ZNF71: variants seen among roughly 807,000 people sequenced by gnomAD.
The protein encoded by ZNF71 is zinc finger protein 71, also known as endothelial zinc finger protein induced by tumor necrosis factor alpha.
Under a neutral mutation model 6.7 loss-of-function variants are expected in ZNF71, and 3 were observed. That is an observed-to-expected ratio of 0.45 (90% confidence interval 0.20 to 1.16). The LOEUF is 1.16. Among genes scored for constraint, ZNF71 ranks in the 50% most tolerant of loss-of-function variants. The probability of loss-of-function intolerance (pLI) is 0.25; values close to 1 mark genes in which losing one functional copy is unlikely to be tolerated. For missense variants in ZNF71, 688 were observed against 728.6 expected, an observed-to-expected ratio of 0.94 and a Z score of 0.64; for synonymous variants, 343 against 311.1, an observed-to-expected ratio of 1.10 and a Z score of -1.08.
chr19:56,621,426 A>G lies in ZNF71; in HGVS notation c.319A>G (p.Arg107Gly), dbSNP rs149537134. 2 of 1,613,586 alleles carry G rather than the reference A, an allele frequency of 1.2e-6. No homozygotes were observed. Among genetic ancestry groups the G allele is most frequent in the Non-Finnish European group, 1.7e-6 (2 of 1,179,742 alleles). ...GTGGGAACCAGGCAGCTGGCCAGAG[A>G]GGCCGCGGGGAGATGCAGGTGCAGA... ...GVWEPGSWPE[R>G]PRGDAGAEWE... Residue 107 changes from arginine (R) to glycine (G), a missense_variant, in exon 4 of 4, where the codon AGG becomes GGG. Arg to Gly is a moderately radical substitution (Grantham distance 125). Coordinates refer to ENST00000599599, the MANE Select transcript of ZNF71 (RefSeq NM_001370215.1).
Position 56,622,592 on chromosome 19 carries a change from G to C in ZNF71, c.1485G>C (p.Glu495Asp). ...AGCACCAGCGGATCCACACCGGCGA[G>C]AAGCCGTACAGGTGCGGCCAGTGCG... ...LIEHQRIHTG[E>D]KPYRCGQCGK... is the part of the protein sequence containing the mutation. The change falls in exon 4 of 4, where the codon GAG becomes GAC. Residue 495 changes from glutamate to aspartate, a missense_variant. Transcript: ENST00000599599. The C allele has an allele frequency of 6.2e-7, 1 of 1,613,724 alleles. No homozygotes were observed. The highest frequency in any genetic ancestry group is 8.5e-7 in the Non-Finnish European group (1 of 1,179,656).
rs2044718474 is a variant in ZNF71 at position 56,607,450 on chromosome 19, A to G, written c.33+5859A>G. On this transcript the variant is annotated intron_variant, in intron 2 of 3. Transcript: ENST00000599599. The stretch of plus-strand genomic sequence containing the variant: ...ATTTATTGAGTACCTACTAAGTGCC[A>G]GGCGCTGTTCTAGGGTCTGAGGATT... Among the ~76,000 whole-genome samples the G allele has an allele frequency of 2.0e-5, 3 of 152,340 alleles. No individual in the cohort carries two copies. The South Asian group carries it at 6.2e-4, about 32-fold the overall frequency.
chr19:56,595,949 G>A (rs1184218357), intron 1 of ZNF71, among the ~76,000 whole-genome samples: 1 of 150,864 alleles, frequency 6.6e-6, no homozygotes, highest in African/African-American at 2.4e-5. Context: ...GAATGTGAAT[G>A]TGTCCATGTA....
At chr19:56,620,560 C>G (rs2044835868) in intron 3 of ZNF71, among the ~76,000 whole-genome samples, 1 of 151,812 alleles carries the variant, frequency 6.6e-6, no homozygotes, top group Admixed American at 6.6e-5. Flanking sequence ...GAGACAGGGT[C>G]TCACCCTGTC....
chr19:56,609,248 C>CTCT (rs1568505583), intron 2 of ZNF71, among the ~76,000 whole-genome samples: 3 of 152,194 alleles, frequency 2.0e-5, no homozygotes, highest in African/African-American at 7.2e-5. Context: ...GCATCACCTG[C>CTCT]TCTTACCAGA....
chr19:56,595,843 G>GTGTGTGTGTT (rs1295286176), intron 1 of ZNF71, among the ~76,000 whole-genome samples: 3 of 139,720 alleles, frequency 2.1e-5, no homozygotes, highest in African/African-American at 8.2e-5. Flanking sequence ...TTGTGATTGT[G>GTGTGTGTGTT]TGTGTGTGTT....
At chr19:56,608,089 T>C (rs1600588724) in intron 2 of ZNF71, among the ~76,000 whole-genome samples, 1 of 81,750 alleles carries the variant, frequency 1.2e-5, no homozygotes, top group Non-Finnish European at 4.0e-5. Context: ...CCTTTTTGTC[T>C]TTTTTTTTCC....
At position 56,621,771 on chromosome 19, in the gene ZNF71, A is replaced by T; in HGVS notation, c.664A>T (p.Thr222Ser). ...HTGEKPFECDTCGKHFIERSS... is the reference protein window; with the variant it reads ...HTGEKPFECDSCGKHFIERSS... ...GGGAGAAAAGCCGTTTGAGTGTGAC[A>T]CCTGTGGGAAGCACTTCATCGAGCG... is the stretch of plus-strand genomic sequence containing the variant. The change falls in exon 4 of 4, where the codon ACC (threonine) becomes TCC (serine). Residue 222 changes from threonine to serine, a missense_variant. Thr to Ser is a moderately conservative substitution (Grantham distance 58). Transcript: ENST00000599599. The T allele has an allele frequency of 1.9e-6, 3 of 1,613,816 alleles. No homozygotes were observed. Among genetic ancestry groups the T allele is most frequent in the Non-Finnish European group, 2.5e-6 (3 of 1,179,974 alleles).
intron 1 of ZNF71, among the ~76,000 whole-genome samples, chr19:56,600,096 GTTTTT>G (rs1162051204): frequency 9.9e-6 from 1 of 101,098 alleles, no homozygotes; most frequent in Admixed American, 1.1e-4. Context: ...TTTGGGGTTT[GTTTTT>G]TTTTTTTTTT....
At position 56,622,301 on chromosome 19, in the gene ZNF71, C is replaced by T; in HGVS notation, c.1194C>T (p.Ser398=). Residue 398 remains serine (S), a synonymous_variant, in exon 4 of 4, where the codon AGC becomes AGT. Transcript: ENST00000599599. ...AGTGCGGCAAGGCCTTCAGCCAGAG[C>T]TCCTACCTCATCCAGCACCAGCGCT... ...CGECGKAFSQ[S]SYLIQHQRFH... is the part of the protein sequence containing the mutation. The T allele has an allele frequency of 6.2e-7, 1 of 1,609,934 alleles. No homozygotes were observed. Among genetic ancestry groups the T allele is most frequent in the Non-Finnish European group, 8.5e-7 (1 of 1,176,540 alleles).
intron 2 of ZNF71, among the ~76,000 whole-genome samples, chr19:56,607,253 T>C (rs1309842783): frequency 6.6e-6 from 1 of 152,218 alleles, no homozygotes; most frequent in African/African-American, 2.4e-5. Flanking sequence ...GCATTTCTGA[T>C]TCACAGCCCT....
At chr19:56,607,607 A>G (rs1040072453) in intron 2 of ZNF71, among the ~76,000 whole-genome samples, 2 of 152,170 alleles carry the variant, frequency 1.3e-5, no homozygotes, top group African/African-American at 2.4e-5. Context: ...ATACATTCAC[A>G]TAGCTAGAAA....
rs1282533354 is a variant in ZNF71, at chr19:56,618,259, G to C, written c.161-3009G>C. 6.6e-6 allele frequency among the ~76,000 whole-genome samples: 1 copy of C among 152,322 alleles called. No homozygotes were observed. Among genetic ancestry groups the C allele is most frequent in the Middle Eastern group, 3.4e-3 (1 of 294 alleles). The stretch of plus-strand genomic sequence containing the variant: ...GTATTGTGCCCTCGAGTACATCTCT[G>C]ACTCCATTCTTGTATCTCCGTTTCC... On this transcript the variant is annotated intron_variant, in intron 3 of 3. Transcript: ENST00000599599. This position sits in a 1 kb window ranked among gnomAD's most constrained non-coding sequence, Gnocchi z 4.6.
intron 3 of ZNF71, among the ~76,000 whole-genome samples, chr19:56,617,112 G>GTTTTGT (rs1555776017): frequency 0.049 from 6,923 of 140,402 alleles, 349 homozygotes; most frequent in East Asian, 0.22. Context: ...ATTTTCTTTT[G>GTTTTGT]TTTTTTTTTG....
intron 3 of ZNF71, among the ~76,000 whole-genome samples, chr19:56,619,185 T>A (rs1377222535): frequency 6.6e-6 from 1 of 152,210 alleles, no homozygotes; most frequent in Non-Finnish European, 1.5e-5. Context: ...TGTACCATTT[T>A]AACCACTTAT....
Position 56,621,748 on chromosome 19 carries a change from G to T in ZNF71, c.641G>T (p.Gly214Val). 3 of 1,614,086 alleles carry T rather than the reference G, an allele frequency of 1.9e-6. No homozygotes were observed. The highest frequency in any genetic ancestry group is 2.5e-6 in the Non-Finnish European group (3 of 1,180,052). The stretch of plus-strand genomic sequence containing the variant: ...ATAAAGCACCAAAGGATCCACACGG[G>T]AGAAAAGCCGTTTGAGTGTGACACC... Reference protein sequence around the residue: ...SLIKHQRIHTGEKPFECDTCG... With the variant: ...SLIKHQRIHTVEKPFECDTCG... The change falls in exon 4 of 4, where the codon GGA (glycine) becomes GTA (valine). Residue 214 changes from glycine (G) to valine (V), a missense_variant. Physicochemically the swap from Gly to Val is moderately radical, Grantham distance 109. Transcript: ENST00000599599.
chr19:56,619,239 C>A (rs12985817), intron 3 of ZNF71, among the ~76,000 whole-genome samples: 109,770 of 151,974 alleles, frequency 0.72, 40,044 homozygotes, highest in East Asian at 0.99. Flanking sequence ...TGTTGTTGTG[C>A]AGCCATCACC....
At position 56,604,628 on chromosome 19, in the gene ZNF71, T is replaced by A. The variant is rs185219682; in HGVS notation, c.33+3037T>A. 1.4e-4 allele frequency among the ~76,000 whole-genome samples: 22 copies of A among 152,242 alleles called. No homozygotes were observed. In the East Asian group the frequency reaches 2.5e-3, roughly 17 times the overall value. On this transcript the variant is annotated intron_variant, in intron 2 of 3. Coordinates refer to ENST00000599599, the MANE Select transcript of ZNF71 (RefSeq NM_001370215.1). The stretch of plus-strand genomic sequence containing the variant: ...AGACAGTTGTCCAAGGAAACACAGC[T>A]CATGAGGGGCAGAGCCAGGATTCCG...
intron 1 of ZNF71, among the ~76,000 whole-genome samples, chr19:56,597,487 G>C (rs1478561428): frequency 6.6e-6 from 1 of 152,176 alleles, no homozygotes; most frequent in Admixed American, 6.5e-5. Flanking sequence ...CCTTCCCCAG[G>C]CTGGAAGATG....
Sources: gnomAD v4.1 joint callset for allele counts (sites outside exome capture counted in the v4.1 genomes callset) on GRCh38, gnomAD v4.1.1 for gene constraint, Gnocchi (gnomAD v3.1) non-coding constraint, MANE v1.5 for transcripts, NCBI Gene and HGNC (gene_info 2026-07-23, HGNC 2026-07-21) for gene names.